Variants in ANKRD30B observed in about 807,000 individuals in gnomAD.
The protein encoded by ANKRD30B is ankyrin repeat domain 30B, also known as ankyrin repeat domain-containing protein 30B.
A neutral mutation model predicts 202.2 loss-of-function variants in ANKRD30B; 144 were observed. The observed-to-expected ratio is 0.71, with a 90% CI of 0.62 to 0.82. The LOEUF is 0.82. Ranked by LOEUF, ANKRD30B falls within the 40% of genes least tolerant of loss-of-function variation. The pLI is 0.00. For synonymous variants in ANKRD30B, 508 were observed against 561.3 expected, an observed-to-expected ratio of 0.91 and a Z score of 1.34; for missense variants, 1,487 against 1,669.1, an observed-to-expected ratio of 0.89 and a Z score of 1.90.
chr18:14,767,968 G>A (rs1050501165), intron 7 of ANKRD30B, among the ~76,000 whole-genome samples: 3 of 152,184 alleles, frequency 2.0e-5, no homozygotes, highest in Non-Finnish European at 4.4e-5. Flanking sequence ...ACAACTCATA[G>A]AATGTTTAGA....
chr18:14,799,579 C>A (rs887574236), intron 22 of ANKRD30B, among the ~76,000 whole-genome samples: 7 of 152,052 alleles, frequency 4.6e-5, no homozygotes, highest in Non-Finnish European at 8.8e-5. Context: ...GGTTTTAAGG[C>A]AGGTGAATTT....
At chr18:14,846,188 A>T (rs1310927316) in intron 39 of ANKRD30B, among the ~76,000 whole-genome samples, 1 of 152,000 alleles carries the variant, frequency 6.6e-6, no homozygotes, top group Admixed American at 6.6e-5. Context: ...GCATTTTACA[A>T]TATCTAATGT....
Position 14,784,356 on chromosome 18 carries a change from G to A in ANKRD30B, c.1591G>A (p.Ala531Thr). 6.2e-7 allele frequency: 1 copy of A among 1,612,788 alleles called. No individual in the cohort carries two copies. The change falls in exon 13 of 44, where the codon GCC (alanine) becomes ACC (threonine). Residue 531 changes from alanine (A) to threonine (T), a missense_variant. Transcript: ENST00000690538. ...EVEELPEKPS[A>T]FKPAVEMQKT... ...TTTAGAGCTTCCTGAGAAGCCATCT[G>A]CCTTCAAGGTATTTAGTTTTATGGT... is the stretch of plus-strand genomic sequence containing the variant.
chr18:14,841,213 C>T (rs1258214508), intron 37 of ANKRD30B, among the ~76,000 whole-genome samples: 1 of 152,158 alleles, frequency 6.6e-6, no homozygotes, highest in African/African-American at 2.4e-5. Flanking sequence ...AGCATATTTT[C>T]ACAGCTGTGC....
chr18:14,927,099 ATGTT>A, the ANKRD30B span, among the ~76,000 whole-genome samples: 1 of 152,114 alleles, frequency 6.6e-6, no homozygotes, highest in Admixed American at 6.5e-5. Flanking sequence ...TAAAAACTGT[ATGTT>A]ATTTAAAGTA....
the ANKRD30B span, among the ~76,000 whole-genome samples, chr18:14,870,819 G>A: frequency 1.3e-5 from 2 of 152,080 alleles, no homozygotes; most frequent in South Asian, 4.1e-4. Flanking sequence ...CCCTGCTCTG[G>A]TCCGCTTCCT....
At chr18:14,819,073 A>G (rs1372744893) in intron 30 of ANKRD30B, among the ~76,000 whole-genome samples, 1 of 152,128 alleles carries the variant, frequency 6.6e-6, no homozygotes. Context: ...GTGAGATGGT[A>G]TCTCATAGTG....
chr18:14,816,328 G>T (rs750865211), intron 30 of ANKRD30B: 8 of 151,884 alleles, frequency 5.3e-5, no homozygotes, highest in Non-Finnish European at 1.0e-4. Flanking sequence ...TTTTTGTTCA[G>T]CGATTAGCTC....
At chr18:14,881,580 G>A in the ANKRD30B span, among the ~76,000 whole-genome samples, 2 of 152,214 alleles carry the variant, frequency 1.3e-5, no homozygotes, top group East Asian at 3.9e-4. Flanking sequence ...TTGGTACTAG[G>A]GTGACGCTGG....
At chr18:14,762,239 C>T (rs780009593) in intron 6 of ANKRD30B, among the ~76,000 whole-genome samples, 1 of 152,140 alleles carries the variant, frequency 6.6e-6, no homozygotes, top group African/African-American at 2.4e-5. Context: ...TATTAGTGGG[C>T]TCCTAGAGTG....
the ANKRD30B span, among the ~76,000 whole-genome samples, chr18:14,877,256 G>A: frequency 3.3e-4 from 50 of 152,380 alleles, no homozygotes; most frequent in African/African-American, 1.1e-3. Context: ...GGGGCAGGGA[G>A]TATTTGTGAT....
chr18:14,929,781 A>G, the ANKRD30B span, among the ~76,000 whole-genome samples: 1 of 152,064 alleles, frequency 6.6e-6, no homozygotes, highest in Non-Finnish European at 1.5e-5. Flanking sequence ...ACTACAAGAT[A>G]TGTGCATGCA....
chr18:14,751,512 A>G (rs1913450314), intron 1 of ANKRD30B, among the ~76,000 whole-genome samples: 1 of 148,368 alleles, frequency 6.7e-6, no homozygotes, highest in Admixed American at 6.9e-5. Flanking sequence ...AACACTTCTG[A>G]AGTGAGAAAC....
chr18:14,920,276 G>C, the ANKRD30B span, among the ~76,000 whole-genome samples: 1 of 152,232 alleles, frequency 6.6e-6, no homozygotes, highest in Non-Finnish European at 1.5e-5. Flanking sequence ...GTACATCTAA[G>C]CTTGGCTTCT....
At chr18:14,754,603 A>G (rs181652322) in intron 3 of ANKRD30B, among the ~76,000 whole-genome samples, 122 of 152,298 alleles carry the variant, frequency 8.0e-4, no homozygotes, top group African/African-American at 2.9e-3. Context: ...GAGATAAAAG[A>G]TACAGCCCTT....
chr18:14,880,762 A>G, the ANKRD30B span, among the ~76,000 whole-genome samples: 1 of 151,620 alleles, frequency 6.6e-6, no homozygotes, highest in African/African-American at 2.4e-5. Context: ...ATTGTTTTGT[A>G]ATTTTCACTG....
the ANKRD30B span, among the ~76,000 whole-genome samples, chr18:14,884,570 G>T: frequency 3.3e-5 from 5 of 151,846 alleles, no homozygotes; most frequent in African/African-American, 1.2e-4. Flanking sequence ...TCAATTATTA[G>T]AATATAAATG....
the ANKRD30B span, among the ~76,000 whole-genome samples, chr18:14,925,571 GC>G: frequency 6.6e-6 from 1 of 152,234 alleles, no homozygotes. Flanking sequence ...ATGGTAGCAG[GC>G]TAGGTTTTGT....
chr18:14,888,668 C>G, the ANKRD30B span: 1 of 481,444 alleles, frequency 2.1e-6, no homozygotes, highest in Admixed American at 4.1e-5. Context: ...AAAGAAATCT[C>G]CCTGCTGGAA....
Sources: gnomAD v4.1 joint callset for allele counts (sites outside exome capture counted in the v4.1 genomes callset) on GRCh38, gnomAD v4.1.1 for gene constraint, MANE v1.5 for transcripts, NCBI Gene and HGNC (gene_info 2026-07-23, HGNC 2026-07-21) for gene names.